Variants in ZFAT observed in about 807,000 individuals in gnomAD.
The protein encoded by ZFAT is zinc finger and AT-hook domain containing, also known as zinc finger protein ZFAT.
In ZFAT, 64 loss-of-function variants were observed where a neutral mutation model predicts 117.7. The ratio of observed to expected loss-of-function variants is 0.54; its 90% confidence interval spans 0.44 to 0.67. ZFAT has a LOEUF of 0.67. Among genes scored for constraint, ZFAT ranks in the 30% least tolerant of loss-of-function variants. The probability of loss-of-function intolerance (pLI) is 0.00; values close to 1 mark genes in which losing one functional copy is unlikely to be tolerated. For missense variants in ZFAT, 1,433 were observed against 1,584.5 expected (o/e 0.90, Z 1.62); for synonymous variants, 679 against 615.0 (o/e 1.10, Z -1.54).
chr8:134,775,230 T>C, the ZFAT span, among the ~76,000 whole-genome samples: 2 of 152,258 alleles, frequency 1.3e-5, no homozygotes, highest in Non-Finnish European at 2.9e-5. Context: ...ATTTTTGTTA[T>C]ATTCTCTTAT....
intron 10 of ZFAT, among the ~76,000 whole-genome samples, chr8:134,576,679 CA>C (rs1402504500): frequency 2.0e-5 from 3 of 152,018 alleles, no homozygotes; most frequent in African/African-American, 7.2e-5. Context: ...TGGAGGAAAA[CA>C]AAACAAAACT....
intron 1 of ZFAT, chr8:134,673,099 G>A (rs1329916486): frequency 6.6e-6 from 1 of 151,886 alleles, no homozygotes; most frequent in African/African-American, 2.4e-5. Context: ...AATGAGGGAG[G>A]GAGTCCTCTC....
intron 15 of ZFAT, among the ~76,000 whole-genome samples, chr8:134,495,388 C>A (rs1445155774): frequency 1.3e-5 from 2 of 152,120 alleles, no homozygotes; most frequent in Non-Finnish European, 2.9e-5. Flanking sequence ...ACGACCTAAT[C>A]ATCTCCCAAA....
the ZFAT span, among the ~76,000 whole-genome samples, chr8:134,813,757 G>A: frequency 1.6e-4 from 24 of 150,534 alleles, no homozygotes; most frequent in African/African-American, 4.2e-4. Flanking sequence ...ATAGTCTTCA[G>A]GAATCACTAA....
upstream of ZFAT, among the ~76,000 whole-genome samples, chr8:134,713,682 A>T (rs1003518733): frequency 6.6e-6 from 1 of 152,146 alleles, no homozygotes; most frequent in Non-Finnish European, 1.5e-5. Context: ...AGCCTTCGGC[A>T]GGCAGCTGAG....
At chr8:134,585,933 T>G (rs569608313) in intron 9 of ZFAT, among the ~76,000 whole-genome samples, 12 of 152,368 alleles carry the variant, frequency 7.9e-5, no homozygotes, top group African/African-American at 2.2e-4. Context: ...ATGGTTAATT[T>G]CTGTGACTAC....
chr8:134,767,911 T>C, the ZFAT span, among the ~76,000 whole-genome samples: 4 of 152,234 alleles, frequency 2.6e-5, no homozygotes, highest in African/African-American at 9.6e-5. Flanking sequence ...TTCTACAAAA[T>C]TGACCCCATC....
intron 11 of ZFAT, among the ~76,000 whole-genome samples, chr8:134,536,774 A>G (rs1284018402): frequency 2.0e-5 from 3 of 152,254 alleles, no homozygotes; most frequent in Non-Finnish European, 4.4e-5. Flanking sequence ...TTTGGGACTT[A>G]AATATCAACT....
At position 134,521,114 on chromosome 8, in the gene ZFAT, G is replaced by A. The variant is rs1820622931; in HGVS notation, c.3116-113C>T. 1.3e-5 allele frequency: 9 copies of A among 677,956 alleles called. No homozygotes were observed. In the South Asian group the frequency reaches 1.5e-4, roughly 11 times the overall value. The allele number at this position is 677,956 out of a possible 1,614,324, so 42.0% of individuals were successfully genotyped here. On this transcript the variant is annotated intron_variant, in intron 12 of 15. Coordinates refer to ENST00000377838, the MANE Select transcript of ZFAT (RefSeq NM_020863.4). ...TCTAGTAAGTATTATTTTGTCTCCA[G>A]CACTTGTATTCAATTCAAGCTTACC...
intron 10 of ZFAT, among the ~76,000 whole-genome samples, chr8:134,577,373 G>A (rs1825384511): frequency 6.6e-6 from 1 of 152,198 alleles, no homozygotes; most frequent in Admixed American, 6.5e-5. Context: ...CAAGTAGTTA[G>A]AAGAAAGGGT....
intron 15 of ZFAT, among the ~76,000 whole-genome samples, chr8:134,487,556 C>A (rs1368704598): frequency 6.6e-6 from 1 of 152,224 alleles, no homozygotes; most frequent in African/African-American, 2.4e-5. Flanking sequence ...CTTCCTGTAA[C>A]CTTCAAAAGA....
the ZFAT span, among the ~76,000 whole-genome samples, chr8:134,820,856 T>C: frequency 1.3e-5 from 2 of 152,232 alleles, no homozygotes; most frequent in African/African-American, 2.4e-5. Flanking sequence ...GTAGTATTTA[T>C]ACACCAGATC....
chr8:134,682,610 G>A (rs1234571346), intron 1 of ZFAT, among the ~76,000 whole-genome samples: 8 of 152,210 alleles, frequency 5.3e-5, no homozygotes, highest in African/African-American at 1.7e-4. Context: ...AGCAGAGATT[G>A]TGCCATTGCA....
intron 15 of ZFAT, among the ~76,000 whole-genome samples, chr8:134,499,541 G>C (rs1586589951): frequency 6.7e-6 from 1 of 149,818 alleles, no homozygotes; most frequent in Non-Finnish European, 1.5e-5. Flanking sequence ...GTTACACACA[G>C]AGCCTGATTT....
the ZFAT span, among the ~76,000 whole-genome samples, chr8:134,789,686 G>A: frequency 6.6e-6 from 1 of 152,182 alleles, no homozygotes; most frequent in African/African-American, 2.4e-5. Context: ...TGATCTTGTG[G>A]AGTTATAGTA....
At chr8:134,791,133 T>C in the ZFAT span, among the ~76,000 whole-genome samples, 1 of 152,220 alleles carries the variant, frequency 6.6e-6, no homozygotes, top group African/African-American at 2.4e-5. Flanking sequence ...TAACTTAATG[T>C]GCCTCACATT....
At chr8:134,689,561 G>C (rs1833496026) in intron 1 of ZFAT, among the ~76,000 whole-genome samples, 1 of 152,174 alleles carries the variant, frequency 6.6e-6, no homozygotes, top group African/African-American at 2.4e-5. Flanking sequence ...ACAAAGATGT[G>C]ATTCGCATAC....
At chr8:134,785,896 C>A in the ZFAT span, 1 of 152,094 alleles carries the variant, frequency 6.6e-6, no homozygotes, top group Non-Finnish European at 1.5e-5. Flanking sequence ...TTGGAGAGAA[C>A]TGGTACTTTA....
chr8:134,730,118 G>A, the ZFAT span, among the ~76,000 whole-genome samples: 1 of 152,218 alleles, frequency 6.6e-6, no homozygotes, highest in Non-Finnish European at 1.5e-5. Context: ...GGAGAAAGCA[G>A]AAGAGAAGTC....
Sources: gnomAD v4.1 joint callset for allele counts (sites outside exome capture counted in the v4.1 genomes callset) on GRCh38, gnomAD v4.1.1 for gene constraint, MANE v1.5 for transcripts, NCBI Gene and HGNC (gene_info 2026-07-23, HGNC 2026-07-21) for gene names.